Variants in SCMH1 observed in about 807,000 individuals in gnomAD.
SCMH1 encodes Scm polycomb group protein homolog 1.
In SCMH1, 37 loss-of-function variants were observed where a neutral mutation model predicts 70.8. The ratio of observed to expected loss-of-function variants is 0.52; its 90% CI spans 0.40 to 0.69. The LOEUF (loss-of-function observed/expected upper bound fraction) is 0.69, where lower values mean the gene tolerates loss of function less well. Among genes scored for constraint, SCMH1 ranks in the 30% least tolerant of loss-of-function variants. The probability of loss-of-function intolerance (pLI) is 0.00; values close to 1 mark genes in which losing one functional copy is unlikely to be tolerated. For missense variants in SCMH1, 607 were observed against 827.3 expected (o/e 0.73, Z 3.27); for synonymous variants, 292 against 307.4 (o/e 0.95, Z 0.52).
At chr1:41,047,308 A>G (rs12406656) in intron 11 of SCMH1, among the ~76,000 whole-genome samples, 11,813 of 151,832 alleles carry the variant, frequency 0.078, 588 homozygotes, top group South Asian at 0.12. Flanking sequence ...CCTACAGACC[A>G]TTACACAGAA....
chr1:41,134,905 T>A (rs1231983098), intron 6 of SCMH1, among the ~76,000 whole-genome samples: 5 of 152,310 alleles, frequency 3.3e-5, no homozygotes, highest in South Asian at 2.1e-4. Context: ...GTTTATTATT[T>A]TTTTTTGCTA....
intron 10 of SCMH1, among the ~76,000 whole-genome samples, chr1:41,058,377 T>C (rs1340332242): frequency 9.1e-6 from 1 of 109,936 alleles, no homozygotes; most frequent in Non-Finnish European, 1.8e-5. Flanking sequence ...TTTTCTTTCT[T>C]GTTTTTTTTT....
chr1:41,187,905 T>C (rs193036257), intron 1 of SCMH1, among the ~76,000 whole-genome samples: 1 of 152,058 alleles, frequency 6.6e-6, no homozygotes, highest in African/African-American at 2.4e-5. Context: ...GAGGATCACC[T>C]GAGCTCAGGA....
chr1:41,166,534 A>G (rs757893057), intron 2 of SCMH1, among the ~76,000 whole-genome samples: 6 of 152,058 alleles, frequency 3.9e-5, no homozygotes, highest in Non-Finnish European at 7.4e-5. Flanking sequence ...AGTGTCTTAC[A>G]GTTCTCAGTG....
chr1:41,130,611 T>C (rs573969033), intron 6 of SCMH1, among the ~76,000 whole-genome samples: 1 of 152,170 alleles, frequency 6.6e-6, no homozygotes, highest in South Asian at 2.1e-4. Flanking sequence ...GAATTAGATA[T>C]GTAAGTATAA....
intron 1 of SCMH1, among the ~76,000 whole-genome samples, chr1:41,204,714 C>G (rs1655102871): frequency 6.6e-6 from 1 of 152,230 alleles, no homozygotes; most frequent in Non-Finnish European, 1.5e-5. Context: ...CCCTTTCTAT[C>G]ATACCACTCT....
At chr1:41,068,489 T>C (rs1189439011) in intron 10 of SCMH1, among the ~76,000 whole-genome samples, 1 of 152,162 alleles carries the variant, frequency 6.6e-6, no homozygotes, top group Non-Finnish European at 1.5e-5. Flanking sequence ...CACTGCAAAC[T>C]CCACCTCCTC....
chr1:41,184,254 A>G (rs1351240898), intron 2 of SCMH1, among the ~76,000 whole-genome samples: 1 of 152,168 alleles, frequency 6.6e-6, no homozygotes. Flanking sequence ...AGTGCCAGGC[A>G]TTTTCATATA....
chr1:41,200,664 A>G lies in SCMH1; in HGVS notation c.-117-14414T>C, dbSNP rs532145299. On this transcript the variant is annotated intron_variant, in intron 1 of 14. Transcript: ENST00000337495. Reference sequence around the variant, plus strand: ...AACTAAATTAAAGGGAAGAAGGGGTATGATCCATTTTAAAATAATTTCCAA... The same window carrying G: ...AACTAAATTAAAGGGAAGAAGGGGTGTGATCCATTTTAAAATAATTTCCAA... Among the ~76,000 whole-genome samples the G allele has an allele frequency of 2.0e-5, 3 of 152,102 alleles. No individual in the cohort carries two copies. In the East Asian group the frequency reaches 5.8e-4, roughly 29 times the overall value.
At chr1:41,085,684 T>C (rs1661412467) in intron 8 of SCMH1, among the ~76,000 whole-genome samples, 1 of 152,144 alleles carries the variant, frequency 6.6e-6, no homozygotes, top group South Asian at 2.1e-4. Context: ...AACTGAGATG[T>C]GCTGTAAATA....
At chr1:41,131,033 A>G (rs981478873) in intron 6 of SCMH1, among the ~76,000 whole-genome samples, 1 of 152,098 alleles carries the variant, frequency 6.6e-6, no homozygotes, top group Admixed American at 6.6e-5. Flanking sequence ...TTCTCATTTT[A>G]GCTCTTACAT....
intron 2 of SCMH1, among the ~76,000 whole-genome samples, chr1:41,171,192 G>A (rs1254010683): frequency 2.6e-5 from 4 of 152,176 alleles, no homozygotes; most frequent in Non-Finnish European, 5.9e-5. Context: ...TTCCCAGGGT[G>A]ATCAGCCAGC....
At chr1:41,031,071 G>A (rs973721752) in intron 13 of SCMH1, among the ~76,000 whole-genome samples, 1 of 152,136 alleles carries the variant, frequency 6.6e-6, no homozygotes, top group African/African-American at 2.4e-5. Flanking sequence ...AGGATCGCTT[G>A]AGGCCGGGAG....
chr1:41,125,374 C>T (rs909004655), intron 6 of SCMH1, among the ~76,000 whole-genome samples: 1 of 151,712 alleles, frequency 6.6e-6, no homozygotes, highest in Non-Finnish European at 1.5e-5. Flanking sequence ...TGTCATCATG[C>T]CCAGATAATT....
intron 12 of SCMH1, among the ~76,000 whole-genome samples, chr1:41,037,872 C>A (rs1156989767): frequency 6.6e-6 from 1 of 152,200 alleles, no homozygotes; most frequent in Non-Finnish European, 1.5e-5. Flanking sequence ...CTGCCTTAGA[C>A]ACAACATGCT....
chr1:41,113,205 G>T lies in SCMH1; in HGVS notation c.745+78C>A. On this transcript the variant is annotated intron_variant, in intron 8 of 14. Coordinates refer to ENST00000337495, the Ensembl canonical transcript of SCMH1. This position sits in a 1 kb window ranked among gnomAD's most constrained non-coding sequence, Gnocchi z 4.3. ...CATACTAGTGAAGTATACTGGTGAA[G>T]ATATGATCATGACAGCCCTGGGTAG... 6.5e-7 allele frequency: 1 copy of T among 1,528,662 alleles called. No individual in the cohort carries two copies. Among genetic ancestry groups the T allele is most frequent in the South Asian group, 1.3e-5 (1 of 78,424 alleles). 94.7% of individuals were successfully genotyped at this position (1,528,662 alleles called of 1,614,324 possible).
intron 1 of SCMH1, among the ~76,000 whole-genome samples, chr1:41,199,348 C>T (rs941274423): frequency 1.3e-5 from 2 of 152,114 alleles, no homozygotes; most frequent in African/African-American, 4.8e-5. Flanking sequence ...CTTCTATCAC[C>T]GTAGGTTAGT....
chr1:41,185,784 C>T (rs75111969), intron 2 of SCMH1, among the ~76,000 whole-genome samples: 5 of 151,760 alleles, frequency 3.3e-5, no homozygotes, highest in South Asian at 2.1e-4. Flanking sequence ...TACAGGCATG[C>T]GCCACCATGC....
At chr1:41,200,516 T>TA (rs967203847) in intron 1 of SCMH1, among the ~76,000 whole-genome samples, 2 of 145,916 alleles carry the variant, frequency 1.4e-5, no homozygotes, top group African/African-American at 5.0e-5. Flanking sequence ...ATAATAATAA[T>TA]ATAATAATAA....
Sources: gnomAD v4.1 joint callset for allele counts (sites outside exome capture counted in the v4.1 genomes callset) on GRCh38, gnomAD v4.1.1 for gene constraint, Gnocchi (gnomAD v3.1) non-coding constraint, MANE v1.5 for transcripts, NCBI Gene and HGNC (gene_info 2026-07-23, HGNC 2026-07-21) for gene names.